Variants in TNFSF11 observed in about 807,000 individuals in gnomAD.
TNFSF11 encodes the protein TNF superfamily member 11.
In TNFSF11, 12 loss-of-function variants were observed where a neutral mutation model predicts 32.2. The observed-to-expected ratio is 0.37, with a 90% CI of 0.24 to 0.60. TNFSF11 has a LOEUF of 0.60. Ranked by LOEUF, TNFSF11 falls within the 20% of genes least tolerant of loss-of-function variation. TNFSF11 has a pLI of 0.66. For missense variants in TNFSF11, 345 were observed against 398.0 expected, an observed-to-expected ratio of 0.87 and a Z score of 1.13; for synonymous variants, 172 against 152.1, an observed-to-expected ratio of 1.13 and a Z score of -0.96.
intron 2 of TNFSF11, among the ~76,000 whole-genome samples, chr13:42,591,315 G>A (rs182446115): frequency 6.6e-6 from 1 of 152,048 alleles, no homozygotes; most frequent in Non-Finnish European, 1.5e-5. Flanking sequence ...GGGATGAGTG[G>A]GGTCTATACC....
At chr13:42,587,080 A>G (rs1450833997) in intron 2 of TNFSF11, among the ~76,000 whole-genome samples, 1 of 152,186 alleles carries the variant, frequency 6.6e-6, no homozygotes, top group Non-Finnish European at 1.5e-5. Flanking sequence ...AACAATCCAG[A>G]CGTGAGTCAT....
intron 1 of TNFSF11, 134 bp from the exon 2 acceptor site, chr13:42,580,992 T>C: frequency 2.2e-6 from 2 of 891,072 alleles, no homozygotes; most frequent in African/African-American, 1.7e-5. Flanking sequence ...TGAGGTTCAT[T>C]GTATTAACTA....
chr13:42,581,687 C>T (rs896384841), intron 2 of TNFSF11, among the ~76,000 whole-genome samples: 28 of 152,126 alleles, frequency 1.8e-4, no homozygotes, highest in Admixed American at 4.6e-4. Flanking sequence ...TGTTTGGCTT[C>T]GTAATGGCAG....
intron 2 of TNFSF11, among the ~76,000 whole-genome samples, chr13:42,594,209 C>T (rs145459126): frequency 7.2e-5 from 11 of 151,854 alleles, no homozygotes; most frequent in Non-Finnish European, 1.5e-4. Flanking sequence ...CTCCCGAGTA[C>T]CTGGGATTAC....
chr13:42,596,668 G>T (rs1219872926), intron 2 of TNFSF11, among the ~76,000 whole-genome samples: 1 of 152,162 alleles, frequency 6.6e-6, no homozygotes, highest in Non-Finnish European at 1.5e-5. Flanking sequence ...TATGGTAACA[G>T]GGAAAATACT....
intron 2 of TNFSF11, among the ~76,000 whole-genome samples, chr13:42,590,703 G>C (rs1353682597): frequency 6.6e-6 from 1 of 152,214 alleles, no homozygotes; most frequent in Non-Finnish European, 1.5e-5. Context: ...TAAACCAGTA[G>C]TATAGTATAA....
chr13:42,596,107 G>A (rs1417629985), intron 2 of TNFSF11, among the ~76,000 whole-genome samples: 1 of 152,214 alleles, frequency 6.6e-6, no homozygotes, highest in Non-Finnish European at 1.5e-5. Flanking sequence ...TGTTTGGCAT[G>A]TGCATAGCAA....
chr13:42,564,182 C>T (rs2137839629), intron 1 of TNFSF11, among the ~76,000 whole-genome samples: 1 of 152,164 alleles, frequency 6.6e-6, no homozygotes, highest in African/African-American at 2.4e-5. Context: ...TTTTTAAAAA[C>T]ATTCCACTTC....
rs1321741681 is a variant in TNFSF11 at position 42,581,149 on chromosome 13, A to G, written c.243A>G (p.Glu81=). 1 of 1,614,158 alleles carries G rather than the reference A, an allele frequency of 6.2e-7. No homozygotes were observed. The highest frequency in any genetic ancestry group is 2.2e-5 in the East Asian group (1 of 44,876). Residue 81 remains glutamate (E), a synonymous_variant, in exon 2 of 5, where the codon GAA becomes GAG. Transcript: ENST00000398795. ...AGATGGATCCTAATAGAATATCAGA[A>G]GATGGCACTCACTGCATTTATAGAA... ...RAQMDPNRIS[E]DGTHCIYRIL...
intron 2 of TNFSF11, among the ~76,000 whole-genome samples, chr13:42,584,550 G>A (rs952008970): frequency 3.3e-5 from 5 of 152,164 alleles, no homozygotes; most frequent in East Asian, 3.8e-4. Context: ...GTATGGAAAA[G>A]CAATTTGTAT....
At chr13:42,573,488 CG>C (rs1183478962), upstream of TNFSF11, among the ~76,000 whole-genome samples, 1 of 152,182 alleles carries the variant, frequency 6.6e-6, no homozygotes, top group Admixed American at 6.5e-5. Context: ...GAGCCCTCCT[CG>C]GATGCTTGCT....
intron 2 of TNFSF11, among the ~76,000 whole-genome samples, chr13:42,589,044 G>A (rs1874034772): frequency 6.6e-6 from 1 of 152,128 alleles, no homozygotes; most frequent in Non-Finnish European, 1.5e-5. Context: ...AGCGGCGGCG[G>A]TGGTGGTGGT....
upstream of TNFSF11, among the ~76,000 whole-genome samples, chr13:42,572,511 G>A (rs1454015488): frequency 2.6e-5 from 4 of 152,020 alleles, no homozygotes; most frequent in African/African-American, 9.7e-5. Context: ...AGGAGGGGGA[G>A]GAGGAGACAA....
intron 2 of TNFSF11, among the ~76,000 whole-genome samples, chr13:42,596,928 G>T (rs935780026): frequency 1.3e-5 from 2 of 152,192 alleles, no homozygotes; most frequent in Admixed American, 1.3e-4. Flanking sequence ...TGGGGTCAGG[G>T]TATGGGTATC....
chr13:42,602,215 G>C (rs1462296266), intron 4 of TNFSF11, among the ~76,000 whole-genome samples: 1 of 152,150 alleles, frequency 6.6e-6, no homozygotes, highest in Admixed American at 6.5e-5. Context: ...GCTTCATCAT[G>C]TCTAAAATGG....
Position 42,568,442 on chromosome 13 carries a change from C to T in TNFSF11, c.-160+1680C>T, listed in dbSNP as rs922663455. Among the ~76,000 whole-genome samples the T allele has an allele frequency of 1.2e-4, 18 of 152,122 alleles. 1 individual carries two copies. Among genetic ancestry groups the T allele is most frequent in the African/African-American group, 4.1e-4 (17 of 41,414 alleles). On this transcript the variant is annotated intron_variant, in intron 2 of 6. Transcript: ENST00000358545. ...TTAAGGGGGTAAGGCAGTATATTTC[C>T]AGAAGACTGCCAACATAAAATTTTA...
In TNFSF11 at chr13:42,600,790, A is replaced by T; in HGVS notation, c.426A>T (p.Ala142=). 6.2e-7 allele frequency: 1 copy of T among 1,614,178 alleles called. No homozygotes were observed. Among genetic ancestry groups the T allele is most frequent in the South Asian group, 1.1e-5 (1 of 91,084 alleles). ...TCGTTGGATCACAGCACATCAGAGC[A>T]GAGAAAGGTAAGCATGGATCCATAC... The part of the protein sequence containing the change: ...QHIVGSQHIR[A]EKAMVDGSWL... Residue 142 remains alanine, a synonymous_variant, in exon 3 of 5, where the codon GCA becomes GCT. Coordinates refer to ENST00000398795, the MANE Select transcript of TNFSF11 (RefSeq NM_003701.4).
chr13:42,579,071 A>T (rs2137861686), intron 1 of TNFSF11, among the ~76,000 whole-genome samples: 1 of 152,282 alleles, frequency 6.6e-6, no homozygotes, highest in South Asian at 2.1e-4. Flanking sequence ...GGAGCCCACG[A>T]TGCTACTCAT....
At chr13:42,572,497 G>A (rs1036558791), upstream of TNFSF11, among the ~76,000 whole-genome samples, 1 of 152,120 alleles carries the variant, frequency 6.6e-6, no homozygotes, top group African/African-American at 2.4e-5. Context: ...AGAAGAGGAG[G>A]AGGAGGAGGG....
Sources: allele counts gnomAD v4.1 joint callset (sites outside exome capture counted in the v4.1 genomes callset), GRCh38; gene constraint gnomAD v4.1.1; transcripts MANE v1.5; gene names NCBI Gene and HGNC (gene_info 2026-07-23, HGNC 2026-07-21).